SLC5A8: variants seen among roughly 807,000 people sequenced by gnomAD.
SLC5A8 encodes the protein solute carrier family 5 member 8, also known as sodium-coupled monocarboxylate transporter 1.
A neutral mutation model predicts 71.9 loss-of-function variants in SLC5A8; 55 were observed. The ratio of observed to expected loss-of-function variants is 0.77; its 90% CI spans 0.62 to 0.96. The LOEUF (loss-of-function observed/expected upper bound fraction) is 0.96, where lower values mean the gene tolerates loss of function less well. Ranked by LOEUF, SLC5A8 falls within the 40% of genes least tolerant of loss-of-function variation. The pLI, the probability that SLC5A8 is intolerant of heterozygous loss-of-function variation, is 0.00. For synonymous variants in SLC5A8, 307 were observed against 276.1 expected (o/e 1.11, Z -1.11); for missense variants, 701 against 745.3 (o/e 0.94, Z 0.69).
At chr12:101,164,046 C>T (rs1019114996) in intron 12 of SLC5A8, among the ~76,000 whole-genome samples, 3 of 152,060 alleles carry the variant, frequency 2.0e-5, no homozygotes, top group African/African-American at 7.2e-5. Flanking sequence ...TTTATGATTG[C>T]AGGGTAGACA....
At position 101,195,083 on chromosome 12, in the gene SLC5A8, T is replaced by C. The variant is rs774262450; in HGVS notation, c.537+12A>G. 2 of 1,613,910 alleles carry C rather than the reference T, an allele frequency of 1.2e-6. No individual in the cohort carries two copies. The highest frequency in any genetic ancestry group is 1.7e-6 in the Non-Finnish European group (2 of 1,179,912). ...TGGGTAGAGTGAAAAGGGAAATATG[T>C]CCTGGACGTACCAGTGTGCAGTAGA... On this transcript the variant is annotated intron_variant, in intron 4 of 14. Coordinates refer to ENST00000536262, the MANE Select transcript of SLC5A8 (RefSeq NM_145913.5).
intron 7 of SLC5A8, among the ~76,000 whole-genome samples, chr12:101,185,922 G>A (rs1868617443): frequency 6.6e-6 from 1 of 152,066 alleles, no homozygotes; most frequent in Admixed American, 6.6e-5. Context: ...TATTTGCATG[G>A]TATCCCCAGT....
intron 1 of SLC5A8, among the ~76,000 whole-genome samples, chr12:101,207,513 T>C (rs1217410227): frequency 1.3e-5 from 2 of 152,202 alleles, no homozygotes; most frequent in African/African-American, 4.8e-5. Context: ...CCTGCTAACT[T>C]AGCCTCTACC....
chr12:101,156,018 G>C lies in SLC5A8; in HGVS notation c.*1261C>G, dbSNP rs1397604213. On this transcript the variant is annotated 3_prime_UTR_variant, in exon 15 of 15. Transcript: ENST00000536262. Reference sequence around the variant, plus strand: ...AATGTGGGAACTGTACAAAAAATAAGTTATTGATGAACTCCTATAACCAAA... The same window carrying C: ...AATGTGGGAACTGTACAAAAAATAACTTATTGATGAACTCCTATAACCAAA... 1 of 151,996 alleles carries C rather than the reference G, an allele frequency of 6.6e-6. No homozygotes were observed. The highest frequency in any genetic ancestry group is 2.4e-5 in the African/African-American group (1 of 41,392). 9.4% of individuals were successfully genotyped at this position (151,996 alleles called of 1,614,324 possible).
rs2051651800 is a variant in SLC5A8, at chr12:101,155,555, T to C, written c.*1724A>G. ...AGGCTGGAGTGCAGTGGTGTAATCATAGCTCAATGCAGCCTTGAAATCCTG... is the reference window on the plus strand; with the variant it reads ...AGGCTGGAGTGCAGTGGTGTAATCACAGCTCAATGCAGCCTTGAAATCCTG... On this transcript the variant is annotated 3_prime_UTR_variant, in exon 15 of 15. Coordinates refer to ENST00000536262, the MANE Select transcript of SLC5A8 (RefSeq NM_145913.5). 1 of 142,094 alleles carries C rather than the reference T, an allele frequency of 7.0e-6. No individual in the cohort carries two copies. The highest frequency in any genetic ancestry group is 1.5e-5 in the Non-Finnish European group (1 of 65,820). 8.8% of individuals were successfully genotyped at this position (142,094 alleles called of 1,614,324 possible). A position where few individuals can be genotyped will look rare whatever the true frequency, so the allele number is the denominator to read the frequency against.
chr12:101,208,781 C>A (rs1297989273), intron 1 of SLC5A8, among the ~76,000 whole-genome samples: 1 of 152,194 alleles, frequency 6.6e-6, no homozygotes, highest in African/African-American at 2.4e-5. Context: ...TGGCCAATAC[C>A]TATCTGGCAC....
At chr12:101,179,631 G>T (rs1207861623) in intron 10 of SLC5A8, among the ~76,000 whole-genome samples, 1 of 152,160 alleles carries the variant, frequency 6.6e-6, no homozygotes, top group African/African-American at 2.4e-5. Flanking sequence ...GATTAAGGAG[G>T]GAGTAGGGGC....
chr12:101,191,077 C>T (rs1868886126), intron 5 of SLC5A8, among the ~76,000 whole-genome samples: 1 of 152,194 alleles, frequency 6.6e-6, no homozygotes, highest in Non-Finnish European at 1.5e-5. Context: ...TAGTTCTAAT[C>T]TATATTCACG....
At position 101,168,132 on chromosome 12, in the gene SLC5A8, G is replaced by T. The variant is rs748497254; in HGVS notation, c.1284C>A (p.Phe428Leu). 2 of 1,610,166 alleles carry T rather than the reference G, an allele frequency of 1.2e-6. No homozygotes were observed. The highest frequency in any genetic ancestry group is 1.7e-6 in the Non-Finnish European group (2 of 1,178,118). Residue 428 changes from phenylalanine (F) to leucine (L), a missense_variant, in exon 11 of 15, where the codon TTC (phenylalanine) becomes TTA (leucine). Physicochemically the swap from Phe to Leu is conservative, Grantham distance 22. Transcript: ENST00000536262. ...GMVGGPLMGL[F>L]ALGILVPFAN... ...CAAAGGGAACCAAAATGCCCAAAGC[G>T]AACAGGCCCATAAGTGGTCCACCAA...
chr12:101,181,246 T>C (rs899036671), intron 9 of SLC5A8, among the ~76,000 whole-genome samples: 1 of 152,212 alleles, frequency 6.6e-6, no homozygotes, highest in African/African-American at 2.4e-5. Flanking sequence ...TGCTATGATT[T>C]TTACGCCTCT....
At chr12:101,189,309 T>G (rs972838305) in intron 6 of SLC5A8, among the ~76,000 whole-genome samples, 26 of 152,214 alleles carry the variant, frequency 1.7e-4, no homozygotes, top group Non-Finnish European at 2.9e-5. Context: ...GGGGATCCCA[T>G]ATCTGGTTAT....
At chr12:101,205,945 G>T (rs992198135) in intron 1 of SLC5A8, among the ~76,000 whole-genome samples, 4 of 152,210 alleles carry the variant, frequency 2.6e-5, no homozygotes, top group African/African-American at 7.2e-5. Flanking sequence ...AATACACAGT[G>T]CCTTGTAGTA....
intron 11 of SLC5A8, among the ~76,000 whole-genome samples, chr12:101,167,090 C>G (rs904623630): frequency 6.6e-6 from 1 of 152,272 alleles, no homozygotes; most frequent in African/African-American, 2.4e-5. Flanking sequence ...TACAGCTCTT[C>G]CGGAGGAAAT....
Position 101,209,825 on chromosome 12 carries a change from G to A in SLC5A8, c.24C>T (p.Gly8=), listed in dbSNP as rs761614996. 4.0e-5 allele frequency: 63 copies of A among 1,575,000 alleles called. No homozygotes were observed. The highest frequency in any genetic ancestry group is 5.0e-5 in the Non-Finnish European group (58 of 1,158,090). ...CCACGTAGTCCCACACCACGAAGGT[G>A]CCGATGCCCCGTGGCGTGTCCATGG... is the stretch of plus-strand genomic sequence containing the variant. MDTPRGI[G]TFVVWDYVVF... The change falls in exon 1 of 15, where the codon GGC becomes GGT. Residue 8 remains glycine, a synonymous_variant. Transcript: ENST00000536262.
chr12:101,157,544 A>T (rs2051676984), intron 14 of SLC5A8, 143 bp from the exon 15 acceptor site: 1 of 1,007,624 alleles, frequency 9.9e-7, no homozygotes, highest in Non-Finnish European at 1.4e-6. Flanking sequence ...TAACAGGTAT[A>T]CTTCCTCAGA....
intron 6 of SLC5A8, among the ~76,000 whole-genome samples, chr12:101,189,074 G>T (rs1868786554): frequency 6.6e-6 from 1 of 152,138 alleles, no homozygotes; most frequent in Non-Finnish European, 1.5e-5. Flanking sequence ...CTATGCTTAT[G>T]GGAATTGATT....
chr12:101,184,329 T>C, intron 7 of SLC5A8, 107 bp from the exon 8 acceptor site: 1 of 887,596 alleles, frequency 1.1e-6, no homozygotes, highest in Non-Finnish European at 1.8e-6. Flanking sequence ...AAAGGAGTTA[T>C]TCCACACAAA....
chr12:101,200,170 C>T (rs765237976), intron 3 of SLC5A8, among the ~76,000 whole-genome samples: 3 of 149,356 alleles, frequency 2.0e-5, no homozygotes, highest in Non-Finnish European at 3.0e-5. Flanking sequence ...TAAAATCTAA[C>T]AACAGGGAAA....
chr12:101,186,789 C>T (rs1483124294), intron 7 of SLC5A8, among the ~76,000 whole-genome samples: 2 of 152,114 alleles, frequency 1.3e-5, no homozygotes, highest in East Asian at 1.9e-4. Context: ...GATAACTGCT[C>T]ATAGTTATTC....
Sources: gnomAD v4.1 joint callset for allele counts (sites outside exome capture counted in the v4.1 genomes callset) on GRCh38, gnomAD v4.1.1 for gene constraint, MANE v1.5 for transcripts, NCBI Gene and HGNC (gene_info 2026-07-23, HGNC 2026-07-21) for gene names.